The following STIM1 variants were observed in gnomAD, a reference collection of about 807,000 sequenced individuals.
The protein encoded by STIM1 is stromal interaction molecule 1.
A neutral mutation model predicts 74.7 loss-of-function variants in STIM1; 25 were observed. The observed-to-expected ratio is 0.33, with a 90% CI of 0.24 to 0.47. The LOEUF (loss-of-function observed/expected upper bound fraction) is 0.47. Ranked by LOEUF, STIM1 falls within the 20% of genes least tolerant of loss-of-function variation. The pLI, the probability that STIM1 is intolerant of heterozygous loss-of-function variation, is 1.00. For missense variants in STIM1, 728 were observed against 920.8 expected (o/e 0.79, Z 2.71); for synonymous variants, 328 against 348.8 (o/e 0.94, Z 0.66).
chr11:3,937,291 A>AATG (rs2092944949), intron 1 of STIM1, among the ~76,000 whole-genome samples: 1 of 5,420 alleles, frequency 1.8e-4, no homozygotes, highest in African/African-American at 4.9e-3. Flanking sequence ...ACTTCATCTC[A>AATG]ATAATAATAA....
chr11:4,052,124 A>G lies in STIM1; in HGVS notation c.386-3402A>G, dbSNP rs551278920. Among the ~76,000 whole-genome samples, 47 of 152,324 alleles carry G rather than the reference A, an allele frequency of 3.1e-4. No individual in the cohort carries two copies. The South Asian group carries it at 6.4e-3, about 21-fold the overall frequency. On this transcript the variant is annotated intron_variant, in intron 3 of 12. Coordinates refer to ENST00000526596, the MANE Select transcript of STIM1 (RefSeq NM_001382567.1). Reference sequence around the variant, plus strand: ...ATAAAAGAGGACACAAACAAATGGAAGAACATTCCATGCTCATGGATAGGA... The same window carrying G: ...ATAAAAGAGGACACAAACAAATGGAGGAACATTCCATGCTCATGGATAGGA...
chr11:3,856,045 G>T lies in STIM1; in HGVS notation c.-226G>T. 1 of 575,120 alleles carries T rather than the reference G, an allele frequency of 1.7e-6. No homozygotes were observed. The highest frequency in any genetic ancestry group is 3.1e-6 in the Non-Finnish European group (1 of 322,156). The allele number at this position is 575,120 out of a possible 1,614,324, so 35.6% of individuals were successfully genotyped here. A position where few individuals can be genotyped will look rare whatever the true frequency, so the allele number is the denominator to read the frequency against. On this transcript the variant is annotated 5_prime_UTR_variant, in exon 1 of 13. Coordinates refer to ENST00000526596, the MANE Select transcript of STIM1 (RefSeq NM_001382567.1). ...CACGAGCTCAGGCCGCCGCAGCCCC[G>T]GCGGACCCACTGTTGGACCTGAGGA...
chr11:4,064,464 C>T (rs940633158), intron 5 of STIM1, among the ~76,000 whole-genome samples: 2 of 152,212 alleles, frequency 1.3e-5, no homozygotes, highest in Non-Finnish European at 2.9e-5. Flanking sequence ...TGAGCAGACA[C>T]TTAGACCTCA....
At chr11:4,008,750 T>C (rs1037733807) in intron 2 of STIM1, among the ~76,000 whole-genome samples, 5 of 151,978 alleles carry the variant, frequency 3.3e-5, no homozygotes, top group African/African-American at 1.2e-4. Context: ...AAAATGTACA[T>C]CTTTGGGATG....
rs1000757923 is a variant in STIM1, at chr11:3,969,242, C to T, written c.270+1560C>T. 4.0e-5 allele frequency among the ~76,000 whole-genome samples: 6 copies of T among 151,784 alleles called. No individual in the cohort carries two copies. The East Asian group carries it at 5.8e-4, about 15-fold the overall frequency. Reference sequence around the variant, plus strand: ...GCTCATGCCTGTAATCCCAGCACTTCGGGAGGCCAAGGCAGGAGGATAGCT... The same window carrying T: ...GCTCATGCCTGTAATCCCAGCACTTTGGGAGGCCAAGGCAGGAGGATAGCT... On this transcript the variant is annotated intron_variant, in intron 2 of 12. Coordinates refer to ENST00000526596, the MANE Select transcript of STIM1 (RefSeq NM_001382567.1).
intron 1 of STIM1, among the ~76,000 whole-genome samples, chr11:3,901,064 G>A (rs1435940283): frequency 2.0e-5 from 3 of 152,172 alleles, no homozygotes; most frequent in Non-Finnish European, 2.9e-5. Flanking sequence ...GGTGGTGTGC[G>A]CTTGTAGTCC....
chr11:3,981,125 T>TC (rs759241703), intron 2 of STIM1, among the ~76,000 whole-genome samples: 5 of 152,138 alleles, frequency 3.3e-5, no homozygotes, highest in African/African-American at 4.8e-5. Context: ...AGGCTCTCTT[T>TC]CATCATGTTG....
intron 6 of STIM1, 133 bp from the exon 7 acceptor site, chr11:4,074,369 A>T: frequency 9.2e-7 from 1 of 1,083,130 alleles, no homozygotes; most frequent in East Asian, 2.6e-5. Context: ...TCAGAGCCAG[A>T]CACACAGCAG....
chr11:4,045,762 C>CTTTTTTTTTTTTTTTTT (rs35939527), intron 3 of STIM1, among the ~76,000 whole-genome samples: 1 of 104,488 alleles, frequency 9.6e-6, no homozygotes, highest in African/African-American at 3.4e-5. Flanking sequence ...CTCAACACTT[C>CTTTTTTTTTTTTTTTTT]TTTTTTTTTT....
At chr11:3,896,394 A>G (rs1280637995) in intron 1 of STIM1, among the ~76,000 whole-genome samples, 2 of 152,190 alleles carry the variant, frequency 1.3e-5, no homozygotes, top group East Asian at 3.8e-4. Flanking sequence ...CTTACTCACG[A>G]TCATAGAGCT....
Position 4,040,152 on chromosome 11 carries a change from G to C in STIM1, c.386-15374G>C, listed in dbSNP as rs577531877. 2.0e-5 allele frequency among the ~76,000 whole-genome samples: 3 copies of C among 152,178 alleles called. No individual in the cohort carries two copies. The South Asian group carries it at 6.2e-4, about 32-fold the overall frequency. On this transcript the variant is annotated intron_variant, in intron 3 of 12. Transcript: ENST00000526596. ...ATTCCTTATCTACCTCTGTGGTATT[G>C]GCCCTAGAAGGTAGTGTTTTTCTCC...
At chr11:3,916,150 T>G (rs894790880) in intron 1 of STIM1, among the ~76,000 whole-genome samples, 14 of 152,224 alleles carry the variant, frequency 9.2e-5, no homozygotes, top group Non-Finnish European at 1.5e-4. Flanking sequence ...ATGGGTTTGC[T>G]CCTATGTTTT....
chr11:3,981,677 C>G (rs756925377), intron 2 of STIM1, among the ~76,000 whole-genome samples: 1 of 152,088 alleles, frequency 6.6e-6, no homozygotes, highest in Non-Finnish European at 1.5e-5. Flanking sequence ...AGTCTGGGCT[C>G]TAGATATGTT....
At chr11:3,997,081 T>A (rs2093669585) in intron 2 of STIM1, among the ~76,000 whole-genome samples, 1 of 152,252 alleles carries the variant, frequency 6.6e-6, no homozygotes, top group African/African-American at 2.4e-5. Flanking sequence ...TTAGAGTTTC[T>A]CTGTCTTTGC....
chr11:4,091,710 A>C lies in STIM1; in HGVS notation c.2063A>C (p.Asp688Ala), dbSNP rs201231955. The change falls in exon 13 of 13, where the codon GAT becomes GCT. Residue 688 changes from aspartate (D) to alanine (A), a missense_variant. Around this residue, in one of 5 missense-constraint regions of STIM1, gnomAD observed 352 missense variants for 370.1 expected, o/e 0.95. Transcript: ENST00000526596. Reference protein sequence around the residue: ...LAGKKAVAEEDNGSIGEETDS... With the variant: ...LAGKKAVAEEANGSIGEETDS... Reference sequence around the variant, plus strand: ...GGCAAGAAGGCTGTGGCTGAGGAGGATAATGGCTCTATTGGCGAGGAAACA... The same window carrying C: ...GGCAAGAAGGCTGTGGCTGAGGAGGCTAATGGCTCTATTGGCGAGGAAACA... 1 of 1,614,136 alleles carries C rather than the reference A, an allele frequency of 6.2e-7. No individual in the cohort carries two copies. Among genetic ancestry groups the C allele is most frequent in the Non-Finnish European group, 8.5e-7 (1 of 1,180,044 alleles).
At chr11:3,884,810 A>C (rs1183281395) in intron 1 of STIM1, among the ~76,000 whole-genome samples, 2 of 152,102 alleles carry the variant, frequency 1.3e-5, no homozygotes, top group Admixed American at 6.6e-5. Flanking sequence ...ATGTTTGTAT[A>C]ATGGAATCTT....
chr11:3,955,745 G>A (rs1263051571), intron 1 of STIM1, among the ~76,000 whole-genome samples: 1 of 152,020 alleles, frequency 6.6e-6, no homozygotes, highest in African/African-American at 2.4e-5. Context: ...TTGGTCTGGT[G>A]TGGGGCCTGG....
chr11:3,909,530 A>G (rs2092525107), intron 1 of STIM1, among the ~76,000 whole-genome samples: 1 of 152,180 alleles, frequency 6.6e-6, no homozygotes, highest in African/African-American at 2.4e-5. Flanking sequence ...GTGGAAAAAA[A>G]GTCATCTTAT....
At chr11:3,943,008 A>G (rs925311374) in intron 1 of STIM1, among the ~76,000 whole-genome samples, 17 of 152,244 alleles carry the variant, frequency 1.1e-4, no homozygotes, top group African/African-American at 4.1e-4. Context: ...GGATGTTATC[A>G]TTGTTAAAGC....
Sources: gnomAD v4.1 joint callset for allele counts (sites outside exome capture counted in the v4.1 genomes callset) on GRCh38, gnomAD v4.1.1 for gene constraint, gnomAD v4.1.1 regional missense constraint, MANE v1.5 for transcripts, NCBI Gene and HGNC (gene_info 2026-07-23, HGNC 2026-07-21) for gene names.